The following PXDNL variants were observed in gnomAD, a reference collection of about 807,000 sequenced individuals.
PXDNL encodes the protein probable oxidoreductase PXDNL.
In PXDNL, 145 loss-of-function variants were observed where a neutral mutation model predicts 150.8. That is an observed-to-expected ratio of 0.96 (90% confidence interval 0.84 to 1.10). The LOEUF is 1.10. Ranked by LOEUF, PXDNL falls within the 50% of genes least tolerant of loss-of-function variation. The pLI, the probability that PXDNL is intolerant of heterozygous loss-of-function variation, is 0.00. For synonymous variants in PXDNL, 757 were observed against 725.7 expected (o/e 1.04, Z -0.69); for missense variants, 2,087 against 1,873.9 (o/e 1.11, Z -2.10).
intron 4 of PXDNL, among the ~76,000 whole-genome samples, chr8:51,512,048 A>G (rs1045866638): frequency 7.9e-5 from 12 of 152,194 alleles, no homozygotes; most frequent in Non-Finnish European, 1.8e-4. Context: ...GCCGTGAACA[A>G]TGCTCGACAG....
chr8:51,435,170 A>C (rs1809361597), intron 12 of PXDNL, among the ~76,000 whole-genome samples: 1 of 152,070 alleles, frequency 6.6e-6, no homozygotes, highest in East Asian at 1.9e-4. Context: ...ACACAAAAAA[A>C]ATTAGCCAGG....
chr8:51,639,135 G>T (rs963581617), intron 2 of PXDNL, among the ~76,000 whole-genome samples: 1 of 152,154 alleles, frequency 6.6e-6, no homozygotes, highest in Admixed American at 6.5e-5. Context: ...CAGAAATAAA[G>T]ATGTTCTTTG....
chr8:51,758,038 C>A (rs1011955166), intron 1 of PXDNL, among the ~76,000 whole-genome samples: 1 of 151,874 alleles, frequency 6.6e-6, no homozygotes, highest in Non-Finnish European at 1.5e-5. Flanking sequence ...ATAATATAAA[C>A]TACCTTAAAA....
intron 2 of PXDNL, among the ~76,000 whole-genome samples, chr8:51,627,010 T>A (rs78655732): frequency 0.045 from 6,821 of 152,268 alleles, 516 homozygotes; most frequent in African/African-American, 0.15. Context: ...ATTAAAAAAC[T>A]TACAAGAGCA....
intron 3 of PXDNL, among the ~76,000 whole-genome samples, chr8:51,564,352 G>A (rs981297271): frequency 2.6e-5 from 4 of 151,896 alleles, no homozygotes; most frequent in African/African-American, 4.8e-5. Context: ...ATTATAATAC[G>A]TAGAATTTAT....
chr8:51,789,193 C>T (rs2037487561), intron 1 of PXDNL, among the ~76,000 whole-genome samples: 1 of 147,948 alleles, frequency 6.8e-6, no homozygotes, highest in Non-Finnish European at 1.5e-5. Flanking sequence ...CCTCATTGTA[C>T]CCATTTTTTT....
At chr8:51,603,550 C>G (rs1813774348) in intron 2 of PXDNL, among the ~76,000 whole-genome samples, 1 of 151,800 alleles carries the variant, frequency 6.6e-6, no homozygotes. Context: ...TTGATTTTTT[C>G]TTATCAGTTG....
chr8:51,749,286 G>T (rs905853250), intron 1 of PXDNL, among the ~76,000 whole-genome samples: 1 of 152,122 alleles, frequency 6.6e-6, no homozygotes, highest in Non-Finnish European at 1.5e-5. Flanking sequence ...TAACGACAAG[G>T]ATATGTTCTG....
chr8:51,744,761 AGAAG>A (rs1234585610), intron 1 of PXDNL, among the ~76,000 whole-genome samples: 126 of 10,388 alleles, frequency 0.012, 1 homozygote, highest in Middle Eastern at 0.12. Context: ...AGAGAGAGAA[AGAAG>A]GAAGGAGAGA....
intron 17 of PXDNL, among the ~76,000 whole-genome samples, chr8:51,387,710 T>C (rs1807763341): frequency 6.6e-6 from 1 of 152,220 alleles, no homozygotes; most frequent in African/African-American, 2.4e-5. Flanking sequence ...TAAAAAGATG[T>C]TTCTATTTCA....
chr8:51,445,919 G>A (rs757520471), intron 12 of PXDNL, among the ~76,000 whole-genome samples: 25 of 151,246 alleles, frequency 1.7e-4, no homozygotes, highest in African/African-American at 5.4e-4. Context: ...CTTCCCACTC[G>A]TTTGAGTTGC....
intron 3 of PXDNL, among the ~76,000 whole-genome samples, chr8:51,587,777 T>A (rs1034587183): frequency 6.6e-6 from 1 of 152,170 alleles, no homozygotes; most frequent in Non-Finnish European, 1.5e-5. Context: ...TAAGCAAATA[T>A]CAAGCATTTA....
At chr8:51,776,165 A>G (rs1292944880) in intron 1 of PXDNL, among the ~76,000 whole-genome samples, 1 of 152,200 alleles carries the variant, frequency 6.6e-6, no homozygotes, top group Non-Finnish European at 1.5e-5. Flanking sequence ...AGATGTTATC[A>G]ATGACAATGC....
chr8:51,523,972 T>A (rs2130395172), intron 4 of PXDNL, among the ~76,000 whole-genome samples: 1 of 152,336 alleles, frequency 6.6e-6, no homozygotes, highest in Middle Eastern at 3.4e-3. Context: ...GAATCATGTC[T>A]CAACTGTGTC....
Position 51,809,269 on chromosome 8 carries a change from T to C in PXDNL, c.76A>G (p.Ser26Gly). 6.2e-7 allele frequency: 1 copy of C among 1,603,348 alleles called. No individual in the cohort carries two copies. The highest frequency in any genetic ancestry group is 8.5e-7 in the Non-Finnish European group (1 of 1,174,818). The stretch of plus-strand genomic sequence containing the variant: ...GTGCTCTTAAAGCAAAGGCACCGGC[T>C]GGGGCAGGGCAACCCTGGCAGGCAC... Reference protein sequence around the residue: ...GWCLPGLPCPSRCLCFKSTVR... With the variant: ...GWCLPGLPCPGRCLCFKSTVR... The change falls in exon 1 of 23, where the codon AGC becomes GGC. Residue 26 changes from serine (S) to glycine (G), a missense_variant. Physicochemically the swap from Ser to Gly is moderately conservative, Grantham distance 56. Coordinates refer to ENST00000356297, the MANE Select transcript of PXDNL (RefSeq NM_144651.5).
chr8:51,327,696 G>C (rs1380469375), intron 21 of PXDNL, among the ~76,000 whole-genome samples: 1 of 152,190 alleles, frequency 6.6e-6, no homozygotes, highest in Non-Finnish European at 1.5e-5. Flanking sequence ...TGGCAAAGAA[G>C]TCTCTTTGTG....
intron 4 of PXDNL, among the ~76,000 whole-genome samples, chr8:51,554,825 A>G (rs1812568190): frequency 6.6e-6 from 1 of 152,120 alleles, no homozygotes; most frequent in Non-Finnish European, 1.5e-5. Flanking sequence ...TAGCTACTTA[A>G]GCAACCTCTA....
chr8:51,378,955 G>T (rs1807449793), intron 17 of PXDNL, among the ~76,000 whole-genome samples: 2 of 152,162 alleles, frequency 1.3e-5, no homozygotes, highest in African/African-American at 4.8e-5. Context: ...GTGAGACCAA[G>T]AACCCACCAA....
At chr8:51,320,382 T>TTTTTTTTTTTTC (rs2130593255) in intron 22 of PXDNL, among the ~76,000 whole-genome samples, 1 of 152,362 alleles carries the variant, frequency 6.6e-6, no homozygotes, top group East Asian at 1.9e-4. Flanking sequence ...GTAGACACCA[T>TTTTTTTTTTTTC]GATAACACTT....
Sources: gnomAD v4.1 joint callset for allele counts (sites outside exome capture counted in the v4.1 genomes callset) on GRCh38, gnomAD v4.1.1 for gene constraint, MANE v1.5 for transcripts, NCBI Gene and HGNC (gene_info 2026-07-23, HGNC 2026-07-21) for gene names.